Variants in NRXN1 observed in about 807,000 individuals in gnomAD.
NRXN1 encodes neurexin 1.
A neutral mutation model predicts 150.9 loss-of-function variants in NRXN1; 39 were observed. That is an observed-to-expected ratio of 0.26 (90% CI 0.20 to 0.34). The LOEUF is 0.34. NRXN1 is among the 10% of genes least tolerant of loss of function. The pLI, the probability that NRXN1 is intolerant of heterozygous loss-of-function variation, is 1.00. For synonymous variants in NRXN1, 924 were observed against 757.0 expected (o/e 1.22, Z -3.62); for missense variants, 1,815 against 1,949.9 (o/e 0.93, Z 1.30).
intron 2 of NRXN1, among the ~76,000 whole-genome samples, chr2:50,940,840 C>T (rs1269424890): frequency 6.6e-6 from 1 of 152,184 alleles, no homozygotes; most frequent in Non-Finnish European, 1.5e-5. Context: ...CCCAAAAGGG[C>T]ATCTGAAACT....
At chr2:50,102,721 A>T (rs1320191085) in intron 18 of NRXN1, among the ~76,000 whole-genome samples, 1 of 152,048 alleles carries the variant, frequency 6.6e-6, no homozygotes. Flanking sequence ...GAAATCAATA[A>T]TGAACATTTA....
chr2:50,568,379 T>C (rs28490921), intron 8 of NRXN1, among the ~76,000 whole-genome samples: 60,145 of 151,544 alleles, frequency 0.4, 14,606 homozygotes, highest in African/African-American at 0.69. Flanking sequence ...GGAGACGATA[T>C]CTGCAAACTA....
chr2:50,192,033 C>A (rs2061478769), intron 18 of NRXN1, among the ~76,000 whole-genome samples: 2 of 151,408 alleles, frequency 1.3e-5, no homozygotes, highest in Non-Finnish European at 2.9e-5. Flanking sequence ...TTTTTTAAGT[C>A]CTAAAAAGAG....
At chr2:50,682,945 C>T (rs887958510) in intron 5 of NRXN1, among the ~76,000 whole-genome samples, 21 of 152,028 alleles carry the variant, frequency 1.4e-4, no homozygotes, top group Admixed American at 4.6e-4. Flanking sequence ...TACATCTATA[C>T]CTATATATGC....
intron 8 of NRXN1, among the ~76,000 whole-genome samples, chr2:50,596,503 A>C (rs1223776278): frequency 2.0e-5 from 3 of 152,222 alleles, no homozygotes; most frequent in African/African-American, 7.2e-5. Context: ...GCAATTTGCC[A>C]AAACTGCTGG....
intron 5 of NRXN1, among the ~76,000 whole-genome samples, chr2:50,909,386 G>A (rs990353061): frequency 1.3e-5 from 2 of 152,010 alleles, no homozygotes; most frequent in African/African-American, 2.4e-5. Flanking sequence ...TGGACTAGGA[G>A]ACTTCTAAAG....
intron 5 of NRXN1, among the ~76,000 whole-genome samples, chr2:50,688,957 T>C (rs775146657): frequency 3.3e-5 from 5 of 152,136 alleles, no homozygotes; most frequent in Non-Finnish European, 7.3e-5. Flanking sequence ...CACATTTAAG[T>C]GGATTCTTTT....
chr2:50,408,837 A>ATCTCTCTCTC (rs10522429), intron 17 of NRXN1, among the ~76,000 whole-genome samples: 3,249 of 136,496 alleles, frequency 0.024, 74 homozygotes, highest in East Asian at 0.035. Context: ...ATCAATCTCA[A>ATCTCTCTCTC]TCTCTCTCTC....
At chr2:50,221,087 A>G (rs889488962) in intron 18 of NRXN1, among the ~76,000 whole-genome samples, 5 of 151,956 alleles carry the variant, frequency 3.3e-5, no homozygotes, top group Non-Finnish European at 7.4e-5. Flanking sequence ...ATTGTTGTAT[A>G]GTTATCTGTG....
At chr2:50,951,944 T>A (rs1374671205) in intron 2 of NRXN1, among the ~76,000 whole-genome samples, 3 of 101,932 alleles carry the variant, frequency 2.9e-5, no homozygotes, top group Non-Finnish European at 5.7e-5. Flanking sequence ...CATGAATAAA[T>A]ATATATATAT....
At chr2:50,700,976 A>AT (rs1251582133) in intron 5 of NRXN1, among the ~76,000 whole-genome samples, 3 of 152,020 alleles carry the variant, frequency 2.0e-5, no homozygotes, top group Non-Finnish European at 4.4e-5. Flanking sequence ...AGGGATCAAG[A>AT]TTTTTAAAAT....
intron 22 of NRXN1, among the ~76,000 whole-genome samples, chr2:49,928,450 G>A (rs1036962187): frequency 6.6e-6 from 1 of 152,098 alleles, no homozygotes; most frequent in African/African-American, 2.4e-5. Flanking sequence ...GTGTCTAATA[G>A]ATGTGGAAGT....
intron 2 of NRXN1, among the ~76,000 whole-genome samples, chr2:50,967,349 C>T (rs1327687841): frequency 6.6e-6 from 1 of 151,952 alleles, no homozygotes; most frequent in African/African-American, 2.4e-5. Flanking sequence ...TTTCCTCTAA[C>T]ATTTTTCTTT....
At chr2:50,438,233 C>A (rs1416092975) in intron 17 of NRXN1, among the ~76,000 whole-genome samples, 3 of 152,148 alleles carry the variant, frequency 2.0e-5, no homozygotes, top group African/African-American at 7.2e-5. Context: ...TAGAAGTTAA[C>A]TGAGTGTACA....
chr2:50,116,876 T>C (rs13028133), intron 18 of NRXN1, among the ~76,000 whole-genome samples: 48,904 of 151,986 alleles, frequency 0.32, 8,346 homozygotes, highest in Non-Finnish European at 0.38. Context: ...TCTGACTTGA[T>C]GCTGCTGTTT....
rs544360891 is a variant in NRXN1 at position 50,652,783 on chromosome 2, C to T, written c.833-29168G>A. Among the ~76,000 whole-genome samples, 10 of 152,088 alleles carry T rather than the reference C, an allele frequency of 6.6e-5. No homozygotes were observed. The East Asian group carries it at 1.9e-3, about 30-fold the overall frequency. Reference sequence around the variant, plus strand: ...TTTAAGAAACTGCCAAAAGCTTTTCCAGAGTTTTGCATTACTAGCAGCAAT... The same window carrying T: ...TTTAAGAAACTGCCAAAAGCTTTTCTAGAGTTTTGCATTACTAGCAGCAAT... On this transcript the variant is annotated intron_variant, in intron 5 of 22. Transcript: ENST00000401669.
intron 18 of NRXN1, among the ~76,000 whole-genome samples, chr2:50,123,123 A>G (rs991816422): frequency 6.6e-6 from 1 of 152,210 alleles, no homozygotes; most frequent in South Asian, 2.1e-4. Context: ...TGCCAGGGAT[A>G]CAGTAGTGAA....
intron 5 of NRXN1, among the ~76,000 whole-genome samples, chr2:50,688,146 C>T (rs1312958485): frequency 6.6e-6 from 1 of 151,992 alleles, no homozygotes; most frequent in Non-Finnish European, 1.5e-5. Context: ...ATTAATCTAC[C>T]CACTTCACTT....
At chr2:50,773,778 T>A (rs991291265) in intron 5 of NRXN1, among the ~76,000 whole-genome samples, 2 of 152,080 alleles carry the variant, frequency 1.3e-5, no homozygotes, top group African/African-American at 4.8e-5. Flanking sequence ...TAAACTGAGG[T>A]GTGCTGGCAG....
Sources: gnomAD v4.1 joint callset for allele counts (sites outside exome capture counted in the v4.1 genomes callset) on GRCh38, gnomAD v4.1.1 for gene constraint, MANE v1.5 for transcripts, NCBI Gene and HGNC (gene_info 2026-07-23, HGNC 2026-07-21) for gene names.